PITPNB: variants seen among roughly 807,000 people sequenced by gnomAD.
The protein encoded by PITPNB is phosphatidylinositol transfer protein beta isoform.
A neutral mutation model predicts 45.9 loss-of-function variants in PITPNB; 16 were observed. That is an observed-to-expected ratio of 0.35 (90% CI 0.24 to 0.53). The LOEUF (loss-of-function observed/expected upper bound fraction) is 0.53. Among genes scored for constraint, PITPNB ranks in the 20% least tolerant of loss-of-function variants. The pLI is 0.93. For missense variants in PITPNB, 188 were observed against 330.5 expected (o/e 0.57, Z 3.34); for synonymous variants, 112 against 108.9 (o/e 1.03, Z -0.18).
chr22:27,910,734 T>G (rs753302687), intron 3 of PITPNB: 27 of 404,824 alleles, frequency 6.7e-5, no homozygotes, highest in Non-Finnish European at 1.1e-4. Flanking sequence ...TTACAAATAT[T>G]TGATGGCAAG....
At chr22:27,894,330 C>T in intron 7 of PITPNB, 1 of 364,606 alleles carries the variant, frequency 2.7e-6, no homozygotes. Context: ...GGATCACTTG[C>T]ACAAAGCCAA....
At chr22:27,869,612 A>G (rs1190161589) in intron 8 of PITPNB, among the ~76,000 whole-genome samples, 1 of 152,082 alleles carries the variant, frequency 6.6e-6, no homozygotes, top group African/African-American at 2.4e-5. Flanking sequence ...TTCTAGAATG[A>G]GGGGAACTCT....
chr22:27,858,546 C>CA, intron 9 of PITPNB, 37 bp from the exon 10 acceptor site: 1 of 1,555,282 alleles, frequency 6.4e-7, no homozygotes, highest in Non-Finnish European at 8.8e-7. Context: ...CATAAGATGA[C>CA]AAAAACCTAA....
intron 11 of PITPNB, among the ~76,000 whole-genome samples, chr22:27,854,055 A>G (rs1316555462): frequency 6.6e-6 from 1 of 152,074 alleles, no homozygotes; most frequent in African/African-American, 2.4e-5. Flanking sequence ...ATTCATCCCA[A>G]TGTTCAAAAA....
At chr22:27,853,750 G>C (rs1934092569) in intron 11 of PITPNB, 87 bp from the exon 12 acceptor site, 5 of 913,192 alleles carry the variant, frequency 5.5e-6, no homozygotes, top group Non-Finnish European at 8.7e-6. Context: ...CTCTCCAAAT[G>C]CATCAAAACT....
chr22:27,916,070 G>A (rs1362300442), intron 1 of PITPNB, among the ~76,000 whole-genome samples: 1 of 152,198 alleles, frequency 6.6e-6, no homozygotes, highest in East Asian at 1.9e-4. Context: ...AAGGGATAGA[G>A]AAAGAAGAGT....
At chr22:27,874,052 G>A (rs1288035196) in intron 7 of PITPNB, among the ~76,000 whole-genome samples, 1 of 152,124 alleles carries the variant, frequency 6.6e-6, no homozygotes, top group Non-Finnish European at 1.5e-5. Flanking sequence ...TAAAAGTCCT[G>A]GACTAGCAAT....
In PITPNB at chr22:27,919,212, G is replaced by A; in HGVS notation, c.-21C>T. The A allele has an allele frequency of 3.1e-6, 5 of 1,607,498 alleles. No individual in the cohort carries two copies. The highest frequency in any genetic ancestry group is 4.3e-6 in the Non-Finnish European group (5 of 1,175,494). On this transcript the variant is annotated 5_prime_UTR_variant, in exon 1 of 12. Transcript: ENST00000335272. ...ACCATCTTCCCGGAACCCCCTCACAGCTGCCGCCGATACCACCGCCGCCGC... is the reference window on the plus strand; with the variant it reads ...ACCATCTTCCCGGAACCCCCTCACAACTGCCGCCGATACCACCGCCGCCGC...
chr22:27,865,388 G>A (rs1160810541), intron 8 of PITPNB, among the ~76,000 whole-genome samples: 1 of 152,158 alleles, frequency 6.6e-6, no homozygotes, highest in Non-Finnish European at 1.5e-5. Flanking sequence ...GTTAAAAGCT[G>A]AATTAAGATC....
intron 3 of PITPNB, among the ~76,000 whole-genome samples, chr22:27,908,330 T>C (rs1167586481): frequency 2.1e-5 from 3 of 145,996 alleles, no homozygotes; most frequent in Non-Finnish European, 4.5e-5. Flanking sequence ...GTACCTCTTT[T>C]AGGCTTTTTT....
intron 3 of PITPNB, among the ~76,000 whole-genome samples, chr22:27,899,985 C>G (rs1935546877): frequency 6.6e-6 from 1 of 152,052 alleles, no homozygotes; most frequent in South Asian, 2.1e-4. Flanking sequence ...GGTGGATCAC[C>G]TGAGGTCAGG....
intron 8 of PITPNB, among the ~76,000 whole-genome samples, chr22:27,869,647 G>C (rs1241772668): frequency 6.6e-6 from 1 of 152,034 alleles, no homozygotes; most frequent in Non-Finnish European, 1.5e-5. Flanking sequence ...TAAGAATTAC[G>C]CATCATAAAT....
chr22:27,880,174 A>G (rs1934928735), intron 7 of PITPNB, among the ~76,000 whole-genome samples: 1 of 152,190 alleles, frequency 6.6e-6, no homozygotes, highest in African/African-American at 2.4e-5. Context: ...TGAGCAGAAG[A>G]GCCAGGACTC....
At chr22:27,899,038 T>C (rs1935519311) in intron 3 of PITPNB, among the ~76,000 whole-genome samples, 1 of 152,222 alleles carries the variant, frequency 6.6e-6, no homozygotes, top group Non-Finnish European at 1.5e-5. Context: ...AACATCACCA[T>C]TTGGAAGCTG....
At chr22:27,900,000 C>T (rs1466487200) in intron 3 of PITPNB, among the ~76,000 whole-genome samples, 6 of 151,886 alleles carry the variant, frequency 4.0e-5, no homozygotes, top group South Asian at 4.2e-4. Flanking sequence ...GTCAGGAGTT[C>T]GAGACCAGCC....
intron 7 of PITPNB, among the ~76,000 whole-genome samples, chr22:27,880,736 C>T (rs185525604): frequency 3.3e-5 from 5 of 152,192 alleles, no homozygotes; most frequent in South Asian, 2.1e-4. Flanking sequence ...GATTCTTCTG[C>T]CTCAGCTTCC....
chr22:27,895,102 G>C (rs141396169), intron 6 of PITPNB, among the ~76,000 whole-genome samples: 1 of 152,268 alleles, frequency 6.6e-6, no homozygotes, highest in Non-Finnish European at 1.5e-5. Flanking sequence ...GTTTCAGTAT[G>C]ATGCCAACTC....
chr22:27,906,954 G>A lies in PITPNB; in HGVS notation c.197+4010C>T, dbSNP rs113768156. Among the ~76,000 whole-genome samples the A allele has an allele frequency of 2.2e-3, 333 of 152,232 alleles. 2 individuals are homozygous for A. The highest frequency in any genetic ancestry group is 4.0e-3 in the Non-Finnish European group (273 of 68,014). ...ACCAAGAAGTGTTTTGCTGAAATGG[G>A]AAAGCATACAGGTCAGGGAATCCAG... On this transcript the variant is annotated intron_variant, in intron 3 of 11. Transcript: ENST00000335272.
At chr22:27,884,226 G>T (rs1326199034) in intron 7 of PITPNB, among the ~76,000 whole-genome samples, 1 of 152,176 alleles carries the variant, frequency 6.6e-6, no homozygotes, top group Non-Finnish European at 1.5e-5. Flanking sequence ...CCCTGGGGGG[G>T]ACATCTGCAA....
Sources: gnomAD v4.1 joint callset for allele counts (sites outside exome capture counted in the v4.1 genomes callset) on GRCh38, gnomAD v4.1.1 for gene constraint, MANE v1.5 for transcripts, NCBI Gene and HGNC (gene_info 2026-07-23, HGNC 2026-07-21) for gene names.